The following PEX5 variants were observed in gnomAD, a reference collection of about 807,000 sequenced individuals.
PEX5 encodes peroxisomal biogenesis factor 5.
A neutral mutation model predicts 82.9 loss-of-function variants in PEX5; 52 were observed. That is an observed-to-expected ratio of 0.63 (90% confidence interval 0.50 to 0.79). The LOEUF (loss-of-function observed/expected upper bound fraction) is 0.79. PEX5 is among the 30% of genes least tolerant of loss of function. PEX5 has a pLI of 0.00. For synonymous variants in PEX5, 300 were observed against 318.8 expected, an observed-to-expected ratio of 0.94 and a Z score of 0.63; for missense variants, 719 against 815.2, an observed-to-expected ratio of 0.88 and a Z score of 1.44.
At chr12:7,216,423 G>A (rs1037227492), downstream of PEX5, among the ~76,000 whole-genome samples, 5 of 152,096 alleles carry the variant, frequency 3.3e-5, no homozygotes, top group African/African-American at 1.2e-4. Flanking sequence ...TCTTGCATAA[G>A]CTGTAATACC....
At chr12:7,201,146 C>CAA (rs1943874201) in intron 6 of PEX5, among the ~76,000 whole-genome samples, 1 of 116,946 alleles carries the variant, frequency 8.6e-6, no homozygotes, top group African/African-American at 2.7e-5. Flanking sequence ...CACACACACA[C>CAA]ACGCACACAC....
rs1944249069 is a variant in PEX5, at chr12:7,202,683, A to G, written c.825A>G (p.Glu275=). 3.1e-6 allele frequency: 5 copies of G among 1,613,970 alleles called. No homozygotes were observed. Among genetic ancestry groups the G allele is most frequent in the Non-Finnish European group, 3.4e-6 (4 of 1,179,836 alleles). ...CATCTGCCCTTGATATGGAGTTTGA[A>G]CGAGCCAAGTCAGCTATAGAGGTGA... ...VNTSALDMEF[E]RAKSAIESDV... is the part of the protein sequence containing the mutation. The change falls in exon 9 of 16, where the codon GAA becomes GAG. Residue 275 remains glutamate (E), a synonymous_variant. Transcript: ENST00000675855.
rs2136150959 is a variant in PEX5 at position 7,202,249 on chromosome 12, A to G, written c.651A>G (p.Lys217=). 1.2e-6 allele frequency: 2 copies of G among 1,614,016 alleles called. No homozygotes were observed. ...GTGTCTCTGTGCCCCAGTTCCTGAA[A>G]TTCGTGCGGCAGATTGGCGAAGGGC... The part of the protein sequence containing the change: ...DPKLANSEFL[K]FVRQIGEGQV... Residue 217 remains lysine (K), a synonymous_variant, in exon 8 of 16, where the codon AAA becomes AAG. Transcript: ENST00000675855.
intron 10 of PEX5, among the ~76,000 whole-genome samples, chr12:7,204,941 G>T (rs763902383): frequency 2.0e-5 from 3 of 151,944 alleles, no homozygotes; most frequent in African/African-American, 7.3e-5. Context: ...TAGTCTTTTC[G>T]ATAAATGGTA....
chr12:7,206,439 T>C (rs1284980708), intron 10 of PEX5, among the ~76,000 whole-genome samples: 2 of 152,276 alleles, frequency 1.3e-5, no homozygotes, highest in African/African-American at 4.8e-5. Flanking sequence ...ATTTATTATC[T>C]GGCCCTTCGC....
chr12:7,201,767 C>T lies in PEX5; in HGVS notation c.568C>T (p.Pro190Ser), dbSNP rs1410451415. The change falls in exon 7 of 16, where the codon CCT becomes TCT. Residue 190 changes from proline to serine, a missense_variant. Physicochemically the swap from Pro to Ser is moderately conservative, Grantham distance 74 (BLOSUM62 -1). Transcript: ENST00000675855. ...ATDRWYDEYHPEEDLQHTASD... is the reference protein window; with the variant it reads ...ATDRWYDEYHSEEDLQHTASD... ...CCGTTCCAGGTATGATGAATATCATCCTGAGGAGGATCTGCAGCACACGGC... is the reference window on the plus strand; with the variant it reads ...CCGTTCCAGGTATGATGAATATCATTCTGAGGAGGATCTGCAGCACACGGC... 9 of 1,613,330 alleles carry T rather than the reference C, an allele frequency of 5.6e-6. No homozygotes were observed. The highest frequency in any genetic ancestry group is 1.3e-5 in the African/African-American group (1 of 74,852).
rs145690714 is a variant in PEX5 at position 7,208,077 on chromosome 12, G to A, written c.1178G>A (p.Arg393Gln). ...EQELLAISALRRCLELKPDNQ... is the reference protein window; with the variant it reads ...EQELLAISALQRCLELKPDNQ... ...GAACTATTAGCCATCAGTGCATTGC[G>A]GAGGTGAGTACACTGAAAGGTGTGG... Residue 393 changes from arginine to glutamine, a missense_variant, in exon 12 of 16, where the codon CGG becomes CAG. Physicochemically the swap from Arg to Gln is conservative, Grantham distance 43. Transcript: ENST00000675855. 1.1e-4 allele frequency: 180 copies of A among 1,610,150 alleles called. No homozygotes were observed. The African/African-American group carries it at 1.8e-3, about 16-fold the overall frequency.
intron 10 of PEX5, among the ~76,000 whole-genome samples, chr12:7,203,770 C>T (rs1350225705): frequency 6.6e-6 from 1 of 152,194 alleles, no homozygotes; most frequent in Non-Finnish European, 1.5e-5. Context: ...TCAATAACGA[C>T]AGTCCAGTAC....
At position 7,210,181 on chromosome 12, in the gene PEX5, G is replaced by C; in HGVS notation, c.1878G>C (p.Arg626=). The change falls in exon 16 of 16, where the codon CGG becomes CGC. Residue 626 remains arginine, a synonymous_variant. Coordinates refer to ENST00000675855, the MANE Select transcript of PEX5 (RefSeq NM_001351132.2). ...QSDAYGAADA[R]DLSTLLTMFG... ...ATGCCTATGGGGCAGCCGACGCGCG[G>C]GATCTGTCCACCCTCCTAACTATGT... 1.2e-6 allele frequency: 2 copies of C among 1,614,228 alleles called. No individual in the cohort carries two copies. Among genetic ancestry groups the C allele is most frequent in the Non-Finnish European group, 1.7e-6 (2 of 1,180,034 alleles).
chr12:7,207,908 A>AG, intron 11 of PEX5, 102 bp from the exon 12 acceptor site: 1 of 1,525,384 alleles, frequency 6.6e-7, no homozygotes, highest in East Asian at 2.2e-5. Context: ...GTGATGGCCT[A>AG]GGATAGGGGC....
chr12:7,192,191 AC>A (rs1370157702), intron 5 of PEX5, among the ~76,000 whole-genome samples: 1 of 152,218 alleles, frequency 6.6e-6, no homozygotes, highest in Non-Finnish European at 1.5e-5. Flanking sequence ...GCCTTGTGTT[AC>A]ATGCTTTGAA....
chr12:7,206,309 G>A (rs1416559435), intron 10 of PEX5, among the ~76,000 whole-genome samples: 1 of 152,206 alleles, frequency 6.6e-6, no homozygotes, highest in Non-Finnish European at 1.5e-5. Context: ...TCAAATTTTA[G>A]TGTCCATAAA....
In PEX5 at chr12:7,202,623, T is replaced by C. The variant is rs1198284024; in HGVS notation, c.765T>C (p.Asp255=). 4 of 1,613,992 alleles carry C rather than the reference T, an allele frequency of 2.5e-6. No individual in the cohort carries two copies. The highest frequency in any genetic ancestry group is 3.3e-5 in the Admixed American group (2 of 60,008). The change falls in exon 9 of 16, where the codon GAT becomes GAC. Residue 255 remains aspartate (D), a synonymous_variant. Transcript: ENST00000675855. ...CTTTTTTGTCGCAGGGTACATCAGA[T>C]GCCTGGGTTGACCAGTTCACAAGAC... ...AEFIQQQGTS[D]AWVDQFTRPV...
intron 6 of PEX5, among the ~76,000 whole-genome samples, chr12:7,201,187 GCATACATACA>G (rs1943915269): frequency 2.1e-5 from 3 of 143,100 alleles, no homozygotes; most frequent in Middle Eastern, 3.4e-3. Context: ...ATGTACACAC[GCATACATACA>G]CATACATGTG....
At chr12:7,200,662 C>G (rs1414313264) in intron 6 of PEX5, among the ~76,000 whole-genome samples, 15 of 151,918 alleles carry the variant, frequency 9.9e-5, no homozygotes, top group African/African-American at 1.7e-4. Flanking sequence ...CCGAGGCTGG[C>G]GGATCACTCG....
rs773536278 is a variant in PEX5, at chr12:7,204,688, T to C, written c.966+1137T>C. ...AAGTCACATAGGCCCCATCAACTTA[T>C]AAATGGAAAGTTGTACATTTATGTA... On this transcript the variant is annotated intron_variant, in intron 10 of 15. Transcript: ENST00000675855. 1.7e-4 allele frequency among the ~76,000 whole-genome samples: 26 copies of C among 152,378 alleles called. 1 individual carries two copies. The South Asian group carries it at 5.4e-3, about 32-fold the overall frequency.
chr12:7,196,053 T>C (rs1007870649), intron 5 of PEX5, among the ~76,000 whole-genome samples: 2 of 140,964 alleles, frequency 1.4e-5, no homozygotes, highest in African/African-American at 5.2e-5. Flanking sequence ...TATATATACA[T>C]TTTACATTAT....
At chr12:7,195,411 G>A (rs1941904732) in intron 5 of PEX5, among the ~76,000 whole-genome samples, 1 of 152,038 alleles carries the variant, frequency 6.6e-6, no homozygotes. Context: ...GATTCTTTCG[G>A]TTATTTGACT....
intron 5 of PEX5, among the ~76,000 whole-genome samples, chr12:7,192,313 C>G (rs1293596082): frequency 6.6e-6 from 1 of 152,174 alleles, no homozygotes; most frequent in Admixed American, 6.5e-5. Context: ...CAAGGTTACA[C>G]AGCTTTGTCA....
Sources: gnomAD v4.1 joint callset for allele counts (sites outside exome capture counted in the v4.1 genomes callset) on GRCh38, gnomAD v4.1.1 for gene constraint, MANE v1.5 for transcripts, NCBI Gene and HGNC (gene_info 2026-07-23, HGNC 2026-07-21) for gene names.